Variants in RIPOR3 observed in about 807,000 individuals in gnomAD.
RIPOR3 encodes the protein RIPOR family member 3.
A neutral mutation model predicts 114.3 loss-of-function variants in RIPOR3; 95 were observed. The ratio of observed to expected loss-of-function variants is 0.83; its 90% CI spans 0.70 to 0.99. The LOEUF is 0.99. Ranked by LOEUF, RIPOR3 falls within the 50% of genes least tolerant of loss-of-function variation. The pLI is 0.00. For missense variants in RIPOR3, 1,252 were observed against 1,266.9 expected, an observed-to-expected ratio of 0.99 and a Z score of 0.18; for synonymous variants, 575 against 543.8, an observed-to-expected ratio of 1.06 and a Z score of -0.80.
chr20:50,643,885 T>C (rs1169848924), intron 1 of RIPOR3, among the ~76,000 whole-genome samples: 1 of 151,898 alleles, frequency 6.6e-6, no homozygotes, highest in East Asian at 1.9e-4. Context: ...GGCTAATTTT[T>C]TGTATTTTTA....
chr20:50,662,266 C>T (rs1190237541), intron 1 of RIPOR3: 1 of 152,280 alleles, frequency 6.6e-6, no homozygotes, highest in African/African-American at 2.4e-5. Context: ...AGCCAATTTC[C>T]AAATGGAAAT....
intron 19 of RIPOR3, among the ~76,000 whole-genome samples, 189 bp downstream of exon 19, chr20:50,592,155 A>C (rs1371914656): frequency 6.6e-6 from 1 of 152,186 alleles, no homozygotes; most frequent in Non-Finnish European, 1.5e-5. Context: ...GGCCTAACAG[A>C]TGTGTTGCTT....
At chr20:50,596,430 C>T (rs1307374361) in intron 14 of RIPOR3, among the ~76,000 whole-genome samples, 167 bp from the exon 15 acceptor site, 1 of 152,166 alleles carries the variant, frequency 6.6e-6, no homozygotes, top group Non-Finnish European at 1.5e-5. Context: ...GGCAGCAACT[C>T]GAAACAGAGC....
intron 1 of RIPOR3, among the ~76,000 whole-genome samples, chr20:50,656,468 A>C (rs1275630910): frequency 6.6e-6 from 1 of 152,194 alleles, no homozygotes; most frequent in East Asian, 1.9e-4. Flanking sequence ...TTATAGGAGA[A>C]ATATATACAA....
rs538319586 is a variant in RIPOR3, at chr20:50,671,785, G to GGGAT, written c.3+19337_3+19340dup. ...GTGAATAGATGAATGGGTGGGCGAA[G>GGGAT]GGATGGATGGATGGATGGATGGATA... On this transcript the variant is annotated intron_variant, in intron 1 of 21. Transcript: ENST00000327979. Among the ~76,000 whole-genome samples the GGGAT allele has an allele frequency of 2.2e-3, 341 of 152,008 alleles. 5 individuals carry two copies. Among genetic ancestry groups the GGGAT allele is most frequent in the African/African-American group, 7.3e-3 (304 of 41,444 alleles).
At chr20:50,690,712 G>A (rs961891693) in intron 1 of RIPOR3, among the ~76,000 whole-genome samples, 1 of 152,000 alleles carries the variant, frequency 6.6e-6, no homozygotes, top group Non-Finnish European at 1.5e-5. Flanking sequence ...ACTTCACTTC[G>A]CCCAGCTGCT....
intron 1 of RIPOR3, among the ~76,000 whole-genome samples, chr20:50,685,983 A>C (rs1282475785): frequency 6.6e-6 from 1 of 152,128 alleles, no homozygotes; most frequent in Non-Finnish European, 1.5e-5. Context: ...CCATTTTTGA[A>C]AATTAAAATT....
chr20:50,677,169 G>C (rs1431876537), intron 1 of RIPOR3, among the ~76,000 whole-genome samples: 1 of 152,036 alleles, frequency 6.6e-6, no homozygotes, highest in Non-Finnish European at 1.5e-5. Context: ...AAGGCCCTGG[G>C]AATTCGGACT....
At chr20:50,611,354 C>T (rs2083972704) in intron 4 of RIPOR3, 150 bp from the exon 5 acceptor site, 2 of 967,158 alleles carry the variant, frequency 2.1e-6, no homozygotes, top group African/African-American at 1.6e-5. Flanking sequence ...CCTTCCTCTG[C>T]CAACGGCAGA....
intron 13 of RIPOR3, among the ~76,000 whole-genome samples, chr20:50,598,929 G>A (rs985590944): frequency 6.7e-5 from 10 of 149,224 alleles, no homozygotes; most frequent in African/African-American, 2.6e-4. Flanking sequence ...AAAGGAGGGG[G>A]TTATGTTCTA....
intron 21 of RIPOR3, 72 bp downstream of exon 21, chr20:50,587,730 G>T: frequency 6.9e-7 from 1 of 1,440,372 alleles, no homozygotes; most frequent in Non-Finnish European, 9.7e-7. Flanking sequence ...TGGGAGAGCT[G>T]GGTGTGGCCT....
intron 4 of RIPOR3, among the ~76,000 whole-genome samples, chr20:50,615,133 G>GTGTGTGTGTGTGTGTGTT (rs1327356082): frequency 6.8e-6 from 1 of 146,750 alleles, no homozygotes; most frequent in African/African-American, 2.4e-5. Context: ...GTGTGTGTGT[G>GTGTGTGTGTGTGTGTGTT]TGTGTGTGTG....
intron 2 of RIPOR3, among the ~76,000 whole-genome samples, chr20:50,625,247 G>C (rs1164174581): frequency 6.6e-6 from 1 of 152,094 alleles, no homozygotes; most frequent in African/African-American, 2.4e-5. Context: ...ATTTTTTGTA[G>C]TTTTGGTGGA....
chr20:50,592,865 G>A (rs1480542454), intron 18 of RIPOR3, among the ~76,000 whole-genome samples, 170 bp downstream of exon 18: 2 of 152,354 alleles, frequency 1.3e-5, no homozygotes, highest in Non-Finnish European at 2.9e-5. Flanking sequence ...TTCCCTTGGA[G>A]CTAATATCAG....
chr20:50,587,677 C>G (rs1487331371), intron 21 of RIPOR3, 125 bp downstream of exon 21: 10 of 864,884 alleles, frequency 1.2e-5, no homozygotes, highest in Non-Finnish European at 1.6e-5. Context: ...GCCAGGGCTG[C>G]TAACGGTGCC....
chr20:50,672,010 A>G (rs201798005), intron 1 of RIPOR3, among the ~76,000 whole-genome samples: 1 of 43,284 alleles, frequency 2.3e-5, no homozygotes, highest in African/African-American at 6.1e-5. Context: ...GGATGGATGG[A>G]TGGATGGATG....
chr20:50,596,097 ACCCCTGTCTGCCCC>A (rs1568824500), intron 15 of RIPOR3, 29 bp downstream of exon 15: 6 of 1,612,646 alleles, frequency 3.7e-6, no homozygotes, highest in Non-Finnish European at 5.1e-6. Context: ...AGGACTCCAA[ACCCCTGTCTGCCCC>A]TCCCTGACAA....
chr20:50,599,107 G>GT (rs1485877393), intron 13 of RIPOR3, among the ~76,000 whole-genome samples: 1 of 151,936 alleles, frequency 6.6e-6, no homozygotes, highest in Non-Finnish European at 1.5e-5. Context: ...AATAGCTATT[G>GT]TTGGCTGGGT....
chr20:50,677,687 T>TG (rs2086721035), intron 1 of RIPOR3, among the ~76,000 whole-genome samples: 1 of 148,560 alleles, frequency 6.7e-6, no homozygotes, highest in Non-Finnish European at 1.5e-5. Context: ...TTTTTTTTTT[T>TG]GAGACAAGAT....
Sources: allele counts gnomAD v4.1 joint callset (sites outside exome capture counted in the v4.1 genomes callset), GRCh38; gene constraint gnomAD v4.1.1; transcripts MANE v1.5; gene names NCBI Gene and HGNC (gene_info 2026-07-23, HGNC 2026-07-21).